The following NSUN7 variants were observed in gnomAD, a reference collection of about 807,000 sequenced individuals.
NSUN7 encodes protein NSUN7.
A neutral mutation model predicts 58.5 loss-of-function variants in NSUN7; 39 were observed. The observed-to-expected ratio is 0.67, with a 90% CI of 0.52 to 0.87. The LOEUF is 0.87. Ranked by LOEUF, NSUN7 falls within the 40% of genes least tolerant of loss-of-function variation. The pLI, the probability that NSUN7 is intolerant of heterozygous loss-of-function variation, is 0.00. For synonymous variants in NSUN7, 278 were observed against 303.7 expected, an observed-to-expected ratio of 0.92 and a Z score of 0.88; for missense variants, 765 against 844.1, an observed-to-expected ratio of 0.91 and a Z score of 1.16.
At chr4:40,808,144 G>A (rs901000541) in intron 11 of NSUN7, 163 bp from the exon 12 acceptor site, 9 of 627,822 alleles carry the variant, frequency 1.4e-5, no homozygotes, top group Admixed American at 4.1e-5. Flanking sequence ...AAAGGCATTC[G>A]CTGAGGCTTA....
In NSUN7 at chr4:40,780,889, G is replaced by A. The variant is rs530420650; in HGVS notation, c.1036+4630G>A. On this transcript the variant is annotated intron_variant, in intron 7 of 11. Coordinates refer to ENST00000381782, the MANE Select transcript of NSUN7 (RefSeq NM_024677.6). ...GGCTGGAGTGCAGTGGCATGATCTC[G>A]ACTCACTGCAAGCTCTGCCTCCCAG... 3.0e-3 allele frequency among the ~76,000 whole-genome samples: 391 copies of A among 132,482 alleles called. 2 individuals carry two copies. Among genetic ancestry groups the A allele is most frequent in the African/African-American group, 0.01 (358 of 34,824 alleles). 86.9% of individuals were successfully genotyped at this position (132,482 alleles called of 152,430 possible).
chr4:40,796,142 C>T (rs941170551), intron 9 of NSUN7, among the ~76,000 whole-genome samples: 30 of 151,988 alleles, frequency 2.0e-4, no homozygotes, highest in Admixed American at 1.8e-3. Flanking sequence ...CCAAACCTGG[C>T]GGATCACTTG....
At chr4:40,769,783 T>C (rs1409194854) in intron 4 of NSUN7, among the ~76,000 whole-genome samples, 1 of 152,206 alleles carries the variant, frequency 6.6e-6, no homozygotes, top group Middle Eastern at 3.2e-3. Context: ...ATCTCTCACA[T>C]TCTCTCCGCT....
rs1742246281 is a variant in NSUN7, at chr4:40,776,062, G to T, written c.839G>T (p.Ser280Ile). The T allele has an allele frequency of 6.2e-7, 1 of 1,600,606 alleles. No individual in the cohort carries two copies. Among genetic ancestry groups the T allele is most frequent in the South Asian group, 1.1e-5 (1 of 89,382 alleles). The change falls in exon 7 of 12, where the codon AGT becomes ATT. Residue 280 changes from serine (S) to isoleucine (I), a missense_variant. Coordinates refer to ENST00000381782, the MANE Select transcript of NSUN7 (RefSeq NM_024677.6). ...YKLIFQDKSR[S>I]LAVHSVKALL... Reference sequence around the variant, plus strand: ...ATTATCTTACAGGACAAATCTCGAAGTCTTGCTGTCCATTCTGTAAAGGCT... The same window carrying T: ...ATTATCTTACAGGACAAATCTCGAATTCTTGCTGTCCATTCTGTAAAGGCT...
intron 10 of NSUN7, among the ~76,000 whole-genome samples, chr4:40,801,851 G>A (rs1743596565): frequency 2.1e-5 from 3 of 145,676 alleles, no homozygotes; most frequent in Non-Finnish European, 4.5e-5. Context: ...GTAGTGAGCC[G>A]AGATCGCATC....
At chr4:40,790,440 T>G (rs1487701285) in intron 7 of NSUN7, among the ~76,000 whole-genome samples, 162 bp from the exon 8 acceptor site, 2 of 152,216 alleles carry the variant, frequency 1.3e-5, no homozygotes. Flanking sequence ...GTATTAACTT[T>G]GGGTAGATAT....
intron 4 of NSUN7, among the ~76,000 whole-genome samples, chr4:40,769,227 A>G (rs2154287297): frequency 6.6e-6 from 1 of 152,326 alleles, no homozygotes; most frequent in South Asian, 2.1e-4. Context: ...TCCCTGGCCT[A>G]TAACTCTCAC....
intron 9 of NSUN7, 67 bp downstream of exon 9, chr4:40,794,543 G>T: frequency 1.1e-6 from 1 of 951,990 alleles, no homozygotes; most frequent in Non-Finnish European, 1.7e-6. Flanking sequence ...AGTCTTTCAC[G>T]ATCTATTATA....
intron 4 of NSUN7, among the ~76,000 whole-genome samples, chr4:40,770,142 G>A (rs1000015640): frequency 1.3e-5 from 2 of 151,142 alleles, no homozygotes; most frequent in East Asian, 1.9e-4. Flanking sequence ...CCCGGGAGGC[G>A]GAGGTTGCAG....
At chr4:40,751,675 G>A (rs1327135837) in intron 2 of NSUN7, among the ~76,000 whole-genome samples, 1 of 152,108 alleles carries the variant, frequency 6.6e-6, no homozygotes, top group Non-Finnish European at 1.5e-5. Flanking sequence ...TTTGCTTTCA[G>A]GGTTTGAGAC....
At position 40,809,247 on chromosome 4, in the gene NSUN7, GT is replaced by G; in HGVS notation, c.*311del. On this transcript the variant is annotated 3_prime_UTR_variant, in exon 12 of 12. Coordinates refer to ENST00000381782, the MANE Select transcript of NSUN7 (RefSeq NM_024677.6). ...TTCAGGCTGGACTTAAAGCTGCCAA[GT>G]TTCCCCTGCAGGGAAGGAAACACTG... is the stretch of plus-strand genomic sequence containing the variant. 4.2e-6 allele frequency: 1 copy of G among 235,660 alleles called. No homozygotes were observed. Among genetic ancestry groups the G allele is most frequent in the Non-Finnish European group, 8.2e-6 (1 of 122,200 alleles). The allele number at this position is 235,660 out of a possible 1,614,324, so 14.6% of individuals were successfully genotyped here. A position where few individuals can be genotyped will look rare whatever the true frequency, so the allele number is the denominator to read the frequency against.
intron 10 of NSUN7, among the ~76,000 whole-genome samples, chr4:40,802,731 T>C (rs548945841): frequency 1.3e-5 from 2 of 152,168 alleles, no homozygotes; most frequent in Non-Finnish European, 2.9e-5. Flanking sequence ...TTACATATAT[T>C]GCATGAAAAA....
chr4:40,763,690 C>A (rs1259894538), intron 4 of NSUN7, among the ~76,000 whole-genome samples: 1 of 152,102 alleles, frequency 6.6e-6, no homozygotes, highest in Non-Finnish European at 1.5e-5. Flanking sequence ...TCAGAGGAAC[C>A]AGAAGATATT....
At chr4:40,788,411 C>T (rs1742931218) in intron 7 of NSUN7, among the ~76,000 whole-genome samples, 1 of 152,070 alleles carries the variant, frequency 6.6e-6, no homozygotes, top group African/African-American at 2.4e-5. Flanking sequence ...GGTCAGGAAG[C>T]TGAATAAGAG....
chr4:40,808,638 T>C lies in NSUN7; in HGVS notation c.1856T>C (p.Val619Ala), dbSNP rs968322000. The C allele has an allele frequency of 3.9e-6, 6 of 1,551,874 alleles. No individual in the cohort carries two copies. In the African/African-American group the frequency reaches 6.8e-5, roughly 18 times the overall value. Residue 619 changes from valine (V) to alanine (A), a missense_variant, in exon 12 of 12, where the codon GTG becomes GCG. Coordinates refer to ENST00000381782, the MANE Select transcript of NSUN7 (RefSeq NM_024677.6). ...CCCCATCCTGCAGTGCCTGCATTTG[T>C]GAAGAACACTTGTCCCTCCAGACCG... ...LAPHPAVPAF[V>A]KNTCPSRPRE...
chr4:40,760,789 G>A (rs1258573151), intron 3 of NSUN7, among the ~76,000 whole-genome samples: 2 of 151,018 alleles, frequency 1.3e-5, no homozygotes, highest in African/African-American at 4.9e-5. Flanking sequence ...TGAAAACCCA[G>A]GAGGCAGAGG....
chr4:40,777,971 C>T (rs549217974), intron 7 of NSUN7, among the ~76,000 whole-genome samples: 9 of 152,016 alleles, frequency 5.9e-5, no homozygotes, highest in Middle Eastern at 3.2e-3. Context: ...AGAATTTTAG[C>T]AAAGACCTGG....
intron 9 of NSUN7, among the ~76,000 whole-genome samples, chr4:40,796,495 T>C (rs567082766): frequency 6.6e-6 from 1 of 151,946 alleles, no homozygotes; most frequent in South Asian, 2.1e-4. Flanking sequence ...AAAAAAGTTA[T>C]CTAGGCATGG....
intron 7 of NSUN7, 59 bp from the exon 8 acceptor site, chr4:40,790,543 T>A: frequency 9.3e-7 from 1 of 1,079,186 alleles, no homozygotes; most frequent in Non-Finnish European, 1.3e-6. Context: ...TACAATCACA[T>A]ACTACATTAA....
Sources: gnomAD v4.1 joint callset for allele counts (sites outside exome capture counted in the v4.1 genomes callset) on GRCh38, gnomAD v4.1.1 for gene constraint, MANE v1.5 for transcripts, NCBI Gene and HGNC (gene_info 2026-07-23, HGNC 2026-07-21) for gene names.